PCDH9: variants seen among roughly 807,000 people sequenced by gnomAD.
PCDH9 encodes protocadherin-9.
Under a neutral mutation model 70.6 loss-of-function variants are expected in PCDH9, and 24 were observed. The ratio of observed to expected loss-of-function variants is 0.34; its 90% CI spans 0.25 to 0.48. PCDH9 has a LOEUF of 0.48. Ranked by LOEUF, PCDH9 falls within the 20% of genes least tolerant of loss-of-function variation. PCDH9 has a pLI of 0.99. For missense variants in PCDH9, 1,281 were observed against 1,503.6 expected, an observed-to-expected ratio of 0.85 and a Z score of 2.45; for synonymous variants, 562 against 558.5, an observed-to-expected ratio of 1.01 and a Z score of -0.09.
At chr13:66,686,438 C>T (rs1039872110) in intron 3 of PCDH9, among the ~76,000 whole-genome samples, 1 of 152,164 alleles carries the variant, frequency 6.6e-6, no homozygotes, top group Non-Finnish European at 1.5e-5. Flanking sequence ...ATAAATCACC[C>T]AGTCTTGGAC....
intron 2 of PCDH9, among the ~76,000 whole-genome samples, chr13:66,908,300 C>A (rs748116262): frequency 2.0e-5 from 3 of 152,170 alleles, no homozygotes; most frequent in Non-Finnish European, 4.4e-5. Flanking sequence ...TTCAAGGATG[C>A]TATACACTCA....
intron 3 of PCDH9, among the ~76,000 whole-genome samples, chr13:66,795,390 G>T (rs1483345211): frequency 6.6e-6 from 1 of 152,064 alleles, no homozygotes; most frequent in African/African-American, 2.4e-5. Flanking sequence ...AAGATAAATT[G>T]ATTAACAAAT....
chr13:66,767,142 GA>G (rs1459189554), intron 3 of PCDH9, among the ~76,000 whole-genome samples: 1 of 151,982 alleles, frequency 6.6e-6, no homozygotes, highest in Non-Finnish European at 1.5e-5. Context: ...TCAATCTGAA[GA>G]GGATATCACA....
At chr13:66,717,480 A>AAAT (rs1566145314) in intron 3 of PCDH9, among the ~76,000 whole-genome samples, 7 of 44,438 alleles carry the variant, frequency 1.6e-4, no homozygotes, top group African/African-American at 4.4e-4. Flanking sequence ...AAAAAAAAAA[A>AAAT]ATATATATAT....
chr13:66,910,199 G>T (rs191137389), intron 2 of PCDH9, among the ~76,000 whole-genome samples: 2 of 152,272 alleles, frequency 1.3e-5, no homozygotes, highest in Admixed American at 1.3e-4. Flanking sequence ...TTTGCAGAGG[G>T]TCCAGCCAGA....
chr13:66,930,899 A>G (rs1566300691), intron 2 of PCDH9, among the ~76,000 whole-genome samples: 1 of 152,192 alleles, frequency 6.6e-6, no homozygotes, highest in Non-Finnish European at 1.5e-5. Flanking sequence ...AGAAGCACAC[A>G]TACAAGTGGT....
intron 3 of PCDH9, among the ~76,000 whole-genome samples, chr13:66,855,702 A>G (rs2139465877): frequency 6.6e-6 from 1 of 152,150 alleles, no homozygotes; most frequent in South Asian, 2.1e-4. Flanking sequence ...GAGTTCAGGA[A>G]TTTTCACAAA....
At chr13:66,927,971 T>C (rs1387398582) in intron 2 of PCDH9, among the ~76,000 whole-genome samples, 1 of 152,078 alleles carries the variant, frequency 6.6e-6, no homozygotes, top group Admixed American at 6.6e-5. Flanking sequence ...ATAATACTAA[T>C]TAATTTGAGG....
chr13:66,444,490 C>CT (rs764056879), intron 4 of PCDH9, among the ~76,000 whole-genome samples: 6,485 of 149,530 alleles, frequency 0.043, 186 homozygotes, highest in Non-Finnish European at 0.073. Context: ...CCTAATAAGA[C>CT]TTTTTTTTTT....
chr13:66,737,446 C>A (rs1046473095), intron 3 of PCDH9, among the ~76,000 whole-genome samples: 1 of 152,170 alleles, frequency 6.6e-6, no homozygotes, highest in Non-Finnish European at 1.5e-5. Context: ...AGTCTATTTA[C>A]TTTTGTTGAA....
At chr13:66,625,401 T>C (rs962742065) in intron 4 of PCDH9, among the ~76,000 whole-genome samples, 1 of 152,170 alleles carries the variant, frequency 6.6e-6, no homozygotes, top group Non-Finnish European at 1.5e-5. Context: ...TTCAGGCTAG[T>C]CAATAATTAG....
At chr13:66,674,406 C>A (rs1464450746) in intron 3 of PCDH9, among the ~76,000 whole-genome samples, 2 of 147,874 alleles carry the variant, frequency 1.4e-5, no homozygotes, top group African/African-American at 4.9e-5. Flanking sequence ...ATAACTTCCA[C>A]TTTATACTGT....
chr13:67,139,216 C>T (rs552424755), intron 2 of PCDH9, among the ~76,000 whole-genome samples: 1 of 152,326 alleles, frequency 6.6e-6, no homozygotes, highest in African/African-American at 2.4e-5. Context: ...CTTCTGACAT[C>T]GGCTGTCACA....
rs183124799 is a variant in PCDH9 at position 66,940,832 on chromosome 13, C to T, written c.3037-37227G>A. Among the ~76,000 whole-genome samples, 157 of 151,872 alleles carry T rather than the reference C, an allele frequency of 1.0e-3. 1 individual carries two copies. The highest frequency in any genetic ancestry group is 1.8e-3 in the Admixed American group (28 of 15,242). ...TTCAGAGTCATTCATTTTTCTTGTACTTGTTTTTCTTGTGTTATAATTTTA... is the reference window on the plus strand; with the variant it reads ...TTCAGAGTCATTCATTTTTCTTGTATTTGTTTTTCTTGTGTTATAATTTTA... On this transcript the variant is annotated intron_variant, in intron 2 of 4. Transcript: ENST00000377865.
At chr13:66,882,054 C>G (rs2081930787) in intron 3 of PCDH9, among the ~76,000 whole-genome samples, 1 of 152,080 alleles carries the variant, frequency 6.6e-6, no homozygotes, top group Non-Finnish European at 1.5e-5. Context: ...GTATTGAATA[C>G]TTGGGCTAGA....
At chr13:66,809,193 C>T (rs1317607605) in intron 3 of PCDH9, among the ~76,000 whole-genome samples, 1 of 152,126 alleles carries the variant, frequency 6.6e-6, no homozygotes, top group Non-Finnish European at 1.5e-5. Context: ...CGTGATCCAC[C>T]CGTCTCGGCC....
intron 4 of PCDH9, among the ~76,000 whole-genome samples, chr13:66,478,105 T>C (rs997521270): frequency 6.6e-6 from 1 of 152,142 alleles, no homozygotes; most frequent in Non-Finnish European, 1.5e-5. Context: ...TTTTAAATGT[T>C]TGGTGCATTA....
intron 2 of PCDH9, among the ~76,000 whole-genome samples, chr13:66,981,959 G>A (rs898404764): frequency 1.3e-5 from 2 of 151,998 alleles, no homozygotes; most frequent in Non-Finnish European, 2.9e-5. Flanking sequence ...TTGGTCCCCC[G>A]CCCAAATCTC....
chr13:66,345,346 G>A (rs1054941955), intron 4 of PCDH9, among the ~76,000 whole-genome samples: 1 of 152,104 alleles, frequency 6.6e-6, no homozygotes, highest in African/African-American at 2.4e-5. Context: ...ACTCCAAAGG[G>A]CAACAGCACT....
Sources: gnomAD v4.1 joint callset for allele counts (sites outside exome capture counted in the v4.1 genomes callset) on GRCh38, gnomAD v4.1.1 for gene constraint, MANE v1.5 for transcripts, NCBI Gene and HGNC (gene_info 2026-07-23, HGNC 2026-07-21) for gene names.